MGAT4C: variants seen among roughly 807,000 people sequenced by gnomAD.
The protein encoded by MGAT4C is alpha-1,3-mannosyl-glycoprotein 4-beta-N-acetylglucosaminyltransferase C.
MGAT4C carries 19 observed loss-of-function variants against 40.1 expected under a neutral mutation model. The observed-to-expected ratio is 0.47, with a 90% CI of 0.33 to 0.70. The LOEUF is 0.70. Ranked by LOEUF, MGAT4C falls within the 30% of genes least tolerant of loss-of-function variation. MGAT4C has a pLI of 0.02. For synonymous variants in MGAT4C, 181 were observed against 187.1 expected (o/e 0.97, Z 0.27); for missense variants, 491 against 563.2 (o/e 0.87, Z 1.30).
intron 2 of MGAT4C, among the ~76,000 whole-genome samples, chr12:86,465,641 T>C (rs1428401007): frequency 6.6e-6 from 1 of 152,024 alleles, no homozygotes; most frequent in Admixed American, 6.6e-5. Flanking sequence ...CTCCACAATA[T>C]ATGTCTTTTG....
chr12:86,816,574 AT>A lies in MGAT4C; in HGVS notation c.-262+22091del, dbSNP rs576143174. ...AAATTAAGTGTTCTAGAAATTTGTCATTTTTTAATACATTCTGGTTAAAAAA... is the reference window on the plus strand; with the variant it reads ...AAATTAAGTGTTCTAGAAATTTGTCATTTTTAATACATTCTGGTTAAAAAA... On this transcript the variant is annotated intron_variant, in intron 1 of 7. Coordinates refer to the MGAT4C transcript ENST00000548651. Among the ~76,000 whole-genome samples, 565 of 151,796 alleles carry A rather than the reference AT, an allele frequency of 3.7e-3. 2 individuals carry two copies. The highest frequency in any genetic ancestry group is 0.013 in the African/African-American group (553 of 41,512).
chr12:86,696,954 CCTCT>C (rs1426706455), intron 2 of MGAT4C, among the ~76,000 whole-genome samples: 10 of 152,032 alleles, frequency 6.6e-5, no homozygotes, highest in Non-Finnish European at 1.2e-4. Flanking sequence ...AAGTGCTCTC[CCTCT>C]GTCTTTCTCT....
chr12:86,709,032 G>T (rs1950512014), intron 2 of MGAT4C, among the ~76,000 whole-genome samples: 1 of 152,120 alleles, frequency 6.6e-6, no homozygotes. Context: ...ATGAGATTTG[G>T]GAGGGGCCAG....
chr12:86,761,127 T>TA (rs1424863197), intron 1 of MGAT4C, among the ~76,000 whole-genome samples: 1 of 152,182 alleles, frequency 6.6e-6, no homozygotes, highest in Non-Finnish European at 1.5e-5. Context: ...GATTTGGGCA[T>TA]AATGTTTTGG....
intron 2 of MGAT4C, among the ~76,000 whole-genome samples, chr12:86,685,887 G>A (rs1950063320): frequency 6.7e-6 from 1 of 148,634 alleles, no homozygotes; most frequent in African/African-American, 2.5e-5. Flanking sequence ...TTTGGAGACA[G>A]AGTCTTGCTC....
intron 2 of MGAT4C, among the ~76,000 whole-genome samples, chr12:86,618,085 A>AT (rs1192686098): frequency 3.3e-5 from 5 of 152,174 alleles, no homozygotes; most frequent in African/African-American, 1.2e-4. Flanking sequence ...AAAATACTCA[A>AT]TATCACTAAC....
chr12:86,637,109 G>A (rs1274785529), intron 2 of MGAT4C, among the ~76,000 whole-genome samples: 1 of 151,742 alleles, frequency 6.6e-6, no homozygotes, highest in Non-Finnish European at 1.5e-5. Flanking sequence ...ATTATAACAG[G>A]ACAATTCTGT....
chr12:86,562,641 T>G (rs182878719), intron 2 of MGAT4C, among the ~76,000 whole-genome samples: 11 of 152,200 alleles, frequency 7.2e-5, no homozygotes, highest in Non-Finnish European at 1.3e-4. Flanking sequence ...CTCTGTTTGC[T>G]TCTAGACCTA....
chr12:86,736,495 T>G lies in MGAT4C; in HGVS notation c.-261-9254A>C, dbSNP rs569586505. 7.2e-5 allele frequency among the ~76,000 whole-genome samples: 11 copies of G among 151,844 alleles called. No individual in the cohort carries two copies. In the South Asian group the frequency reaches 2.1e-3, roughly 29 times the overall value. On this transcript the variant is annotated intron_variant, in intron 1 of 7. Coordinates refer to the MGAT4C transcript ENST00000548651. ...TTTCCTATCTTATTTGTATAGTATATTAACTAAATCACCCCAACAATGATT... is the reference window on the plus strand; with the variant it reads ...TTTCCTATCTTATTTGTATAGTATAGTAACTAAATCACCCCAACAATGATT...
intron 4 of MGAT4C, among the ~76,000 whole-genome samples, chr12:86,298,878 GA>G (rs948583393): frequency 1.3e-5 from 2 of 151,818 alleles, no homozygotes; most frequent in Admixed American, 1.3e-4. Flanking sequence ...GTTATTAAGA[GA>G]AAAAAATTGA....
intron 2 of MGAT4C, among the ~76,000 whole-genome samples, chr12:86,527,458 G>A (rs898357307): frequency 6.6e-6 from 1 of 152,010 alleles, no homozygotes; most frequent in African/African-American, 2.4e-5. Flanking sequence ...TTTTGCTCAG[G>A]CCTGCTTTGT....
chr12:86,332,039 A>G (rs1171382910), intron 4 of MGAT4C, among the ~76,000 whole-genome samples: 1 of 152,160 alleles, frequency 6.6e-6, no homozygotes, highest in African/African-American at 2.4e-5. Flanking sequence ...ATGTAAATGC[A>G]GCGTAAAGGC....
chr12:86,441,346 A>T (rs988773173), intron 2 of MGAT4C, among the ~76,000 whole-genome samples: 11 of 149,784 alleles, frequency 7.3e-5, no homozygotes, highest in East Asian at 2.0e-4. Context: ...TATTATTTTT[A>T]TTATTATTAT....
intron 1 of MGAT4C, among the ~76,000 whole-genome samples, chr12:86,776,111 A>G (rs1057097110): frequency 6.6e-6 from 1 of 152,022 alleles, no homozygotes; most frequent in African/African-American, 2.4e-5. Flanking sequence ...TAAAATCTAT[A>G]GAGCCTGATG....
At chr12:86,645,127 C>CT (rs1963503043) in intron 2 of MGAT4C, among the ~76,000 whole-genome samples, 1 of 151,272 alleles carries the variant, frequency 6.6e-6, no homozygotes, top group Non-Finnish European at 1.5e-5. Context: ...TTAAAATAGT[C>CT]TGTGTTCATA....
chr12:86,056,351 G>A (rs1266840907), intron 1 of MGAT4C, among the ~76,000 whole-genome samples: 1 of 152,018 alleles, frequency 6.6e-6, no homozygotes, highest in African/African-American at 2.4e-5. Flanking sequence ...TGTCATGTAC[G>A]TTAGGCATTT....
chr12:86,817,287 TTATTA>T (rs1228480885), intron 1 of MGAT4C, among the ~76,000 whole-genome samples: 5 of 151,530 alleles, frequency 3.3e-5, no homozygotes, highest in African/African-American at 9.7e-5. Context: ...TTTAAATTGT[TTATTA>T]TTTTAACATA....
At chr12:86,801,790 C>A (rs1952231285) in intron 1 of MGAT4C, among the ~76,000 whole-genome samples, 1 of 137,438 alleles carries the variant, frequency 7.3e-6, no homozygotes, top group South Asian at 2.2e-4. Flanking sequence ...TACAAGTTAT[C>A]CAGAAAAGCC....
intron 2 of MGAT4C, among the ~76,000 whole-genome samples, chr12:86,588,160 C>A (rs7485606): frequency 6.6e-6 from 1 of 151,128 alleles, no homozygotes; most frequent in African/African-American, 2.4e-5. Flanking sequence ...TAGCATGAAG[C>A]ATTGTTGAAT....
Sources: allele counts gnomAD v4.1 joint callset (sites outside exome capture counted in the v4.1 genomes callset), GRCh38; gene constraint gnomAD v4.1.1; transcripts MANE v1.5; gene names NCBI Gene and HGNC (gene_info 2026-07-23, HGNC 2026-07-21).